FRMD4A: variants seen among roughly 807,000 people sequenced by gnomAD.
The protein encoded by FRMD4A is FERM domain containing 4A.
FRMD4A carries 29 observed loss-of-function variants against 129.1 expected under a neutral mutation model. The ratio of observed to expected loss-of-function variants is 0.22; its 90% CI spans 0.17 to 0.31. The LOEUF (loss-of-function observed/expected upper bound fraction) is 0.31. FRMD4A is among the 10% of genes least tolerant of loss of function. The pLI is 1.00. For missense variants in FRMD4A, 1,272 were observed against 1,375.8 expected (o/e 0.92, Z 1.19); for synonymous variants, 634 against 571.6 (o/e 1.11, Z -1.56).
chr10:13,942,806 G>T (rs145379035), intron 2 of FRMD4A, among the ~76,000 whole-genome samples: 1 of 151,962 alleles, frequency 6.6e-6, no homozygotes, highest in African/African-American at 2.4e-5. Flanking sequence ...GGTGGCGCGC[G>T]TCTGTAGTCC....
intron 3 of FRMD4A, among the ~76,000 whole-genome samples, chr10:13,830,700 T>C (rs2093776241): frequency 6.6e-6 from 1 of 152,134 alleles, no homozygotes; most frequent in South Asian, 2.1e-4. Context: ...TGTAGAGAAA[T>C]GGGAAGCCTG....
intron 2 of FRMD4A, among the ~76,000 whole-genome samples, chr10:14,011,592 T>C (rs10906567): frequency 0.4 from 61,512 of 152,012 alleles, 14,324 homozygotes; most frequent in Non-Finnish European, 0.54. Context: ...AATAGCCATA[T>C]AGGCAGGGCA....
At chr10:14,127,956 T>C (rs920952229) in intron 2 of FRMD4A, among the ~76,000 whole-genome samples, 97 of 27,528 alleles carry the variant, frequency 3.5e-3, no homozygotes, top group African/African-American at 9.6e-3. Flanking sequence ...CTTTCTTTCT[T>C]TCTTTCTTTC....
At chr10:14,281,606 C>T (rs989008899) in intron 2 of FRMD4A, among the ~76,000 whole-genome samples, 22 of 152,210 alleles carry the variant, frequency 1.4e-4, no homozygotes, top group Admixed American at 6.5e-4. Flanking sequence ...ACCATTGTAA[C>T]CATTTTTAAG....
At chr10:14,327,096 G>A in intron 2 of FRMD4A, 1 of 397,380 alleles carries the variant, frequency 2.5e-6, no homozygotes, top group Non-Finnish European at 4.4e-6. Flanking sequence ...CCTCCCAGCT[G>A]ACCGCAACCC....
At chr10:14,204,120 C>G (rs537425817) in intron 2 of FRMD4A, among the ~76,000 whole-genome samples, 7 of 152,238 alleles carry the variant, frequency 4.6e-5, no homozygotes, top group African/African-American at 1.7e-4. Context: ...AAAGGAGAGA[C>G]TCACTTAGAG....
chr10:13,687,947 T>A (rs2085251965), intron 15 of FRMD4A, among the ~76,000 whole-genome samples: 1 of 152,172 alleles, frequency 6.6e-6, no homozygotes, highest in Non-Finnish European at 1.5e-5. Context: ...TCTAAGGGCC[T>A]CCACTTAAAT....
intron 2 of FRMD4A, among the ~76,000 whole-genome samples, chr10:14,025,952 C>A (rs149545035): frequency 2.0e-5 from 3 of 152,142 alleles, no homozygotes; most frequent in Non-Finnish European, 2.9e-5. Context: ...CTCAGGGACA[C>A]GTGGCTGTCA....
At chr10:14,173,793 C>T (rs1841594782) in intron 2 of FRMD4A, among the ~76,000 whole-genome samples, 1 of 152,036 alleles carries the variant, frequency 6.6e-6, no homozygotes. Context: ...ACTGAGGTTC[C>T]CATTGTCCAC....
intron 2 of FRMD4A, among the ~76,000 whole-genome samples, chr10:14,308,918 C>T (rs951372376): frequency 5.3e-5 from 8 of 152,174 alleles, no homozygotes; most frequent in Admixed American, 1.3e-4. Flanking sequence ...ATACGGGGAA[C>T]GACTATGAAA....
intron 2 of FRMD4A, among the ~76,000 whole-genome samples, chr10:13,967,076 G>A (rs1380506200): frequency 6.6e-6 from 1 of 152,210 alleles, no homozygotes; most frequent in Non-Finnish European, 1.5e-5. Context: ...GGTGGCTCAC[G>A]CCTGTAATCC....
intron 6 of FRMD4A, among the ~76,000 whole-genome samples, chr10:13,767,053 CAG>C (rs2092309897): frequency 6.6e-6 from 1 of 152,134 alleles, no homozygotes; most frequent in Non-Finnish European, 1.5e-5. Flanking sequence ...AGCCTGGTGA[CAG>C]AGTGAGACTC....
intron 2 of FRMD4A, among the ~76,000 whole-genome samples, chr10:13,865,908 G>A (rs186265791): frequency 2.0e-5 from 3 of 152,210 alleles, no homozygotes; most frequent in East Asian, 3.9e-4. Flanking sequence ...ACTGTGGGGC[G>A]GGGCTGAGGG....
chr10:13,676,743 C>A (rs544659424), intron 15 of FRMD4A, among the ~76,000 whole-genome samples: 1 of 152,098 alleles, frequency 6.6e-6, no homozygotes, highest in Non-Finnish European at 1.5e-5. Context: ...ATCTCCACCG[C>A]GAAAACTGTC....
intron 2 of FRMD4A, among the ~76,000 whole-genome samples, chr10:14,204,190 G>A (rs755045814): frequency 6.6e-5 from 10 of 152,122 alleles, no homozygotes; most frequent in Non-Finnish European, 1.3e-4. Context: ...TTGGGAGGCC[G>A]AGGTGGGAGG....
At chr10:14,163,565 T>C (rs1288667573) in intron 2 of FRMD4A, among the ~76,000 whole-genome samples, 3 of 152,210 alleles carry the variant, frequency 2.0e-5, no homozygotes, top group Non-Finnish European at 2.9e-5. Flanking sequence ...CCCTTTTGTT[T>C]GCACATTTCT....
chr10:14,155,742 G>A (rs1258428927), intron 2 of FRMD4A, among the ~76,000 whole-genome samples: 1 of 152,200 alleles, frequency 6.6e-6, no homozygotes. Flanking sequence ...TTAGGAAAGA[G>A]TGAGAGTGGT....
At position 14,259,183 on chromosome 10, in the gene FRMD4A, A is replaced by G. The variant is rs112146632; in HGVS notation, c.45+70875T>C. Among the ~76,000 whole-genome samples the G allele has an allele frequency of 2.6e-3, 391 of 152,332 alleles. 1 individual carries two copies. The highest frequency in any genetic ancestry group is 0.01 in the Middle Eastern group (3 of 294). On this transcript the variant is annotated intron_variant, in intron 2 of 24. Transcript: ENST00000357447. Reference sequence around the variant, plus strand: ...TGCCTTGACAAACCTGTAAACAGTAACAGAATCATAAAAAGGTAAATGGCA... The same window carrying G: ...TGCCTTGACAAACCTGTAAACAGTAGCAGAATCATAAAAAGGTAAATGGCA...
At chr10:14,206,943 A>G (rs1359042683) in intron 2 of FRMD4A, among the ~76,000 whole-genome samples, 2 of 152,090 alleles carry the variant, frequency 1.3e-5, no homozygotes, top group African/African-American at 4.8e-5. Context: ...AATTTCATCC[A>G]GACCAATCAG....
Sources: allele counts gnomAD v4.1 joint callset (sites outside exome capture counted in the v4.1 genomes callset), GRCh38; gene constraint gnomAD v4.1.1; transcripts MANE v1.5; gene names NCBI Gene and HGNC (gene_info 2026-07-23, HGNC 2026-07-21).